The following RANBP2 variants were observed in gnomAD, a reference collection of about 807,000 sequenced individuals.
RANBP2 encodes the protein RAN binding protein 2.
In RANBP2, 57 loss-of-function variants were observed where a neutral mutation model predicts 303.6. The observed-to-expected ratio is 0.19, with a 90% confidence interval of 0.15 to 0.23. The LOEUF is 0.23. RANBP2 is among the 10% of genes least tolerant of loss of function. RANBP2 has a pLI of 1.00. For synonymous variants in RANBP2, 1,167 were observed against 1,301.5 expected, an observed-to-expected ratio of 0.90 and a Z score of 2.23; for missense variants, 3,138 against 3,780.8, an observed-to-expected ratio of 0.83 and a Z score of 4.46.
the RANBP2 span, among the ~76,000 whole-genome samples, chr2:109,452,642 A>G: frequency 2.6e-5 from 4 of 152,114 alleles, no homozygotes; most frequent in African/African-American, 7.2e-5. Context: ...GTGTGTGGAG[A>G]AGGAAGAAGC....
chr2:108,910,796 T>G, the RANBP2 span: 2 of 1,613,578 alleles, frequency 1.2e-6, no homozygotes, highest in Admixed American at 3.3e-5. Flanking sequence ...TTTCTTCTCC[T>G]CGTCCTTGCT....
the RANBP2 span, among the ~76,000 whole-genome samples, chr2:108,841,987 A>T: frequency 6.6e-6 from 1 of 151,992 alleles, no homozygotes; most frequent in Non-Finnish European, 1.5e-5. Context: ...CCCTCCAATG[A>T]TTAGAAGTCA....
chr2:109,156,704 A>G, the RANBP2 span, among the ~76,000 whole-genome samples: 1 of 152,072 alleles, frequency 6.6e-6, no homozygotes, highest in African/African-American at 2.4e-5. Context: ...CGGCCTCCCA[A>G]AGTGCTGGGA....
At chr2:109,089,585 G>C in the RANBP2 span, among the ~76,000 whole-genome samples, 1 of 152,076 alleles carries the variant, frequency 6.6e-6, no homozygotes, top group Admixed American at 6.6e-5. Context: ...CAGCCTGGGC[G>C]ACAGAGCAAG....
chr2:109,015,332 A>G, the RANBP2 span, among the ~76,000 whole-genome samples: 1 of 151,908 alleles, frequency 6.6e-6, no homozygotes, highest in African/African-American at 2.4e-5. Flanking sequence ...TCCTCAGCCC[A>G]CTCAATGTGA....
chr2:109,602,546 A>G, the RANBP2 span, among the ~76,000 whole-genome samples: 1 of 151,990 alleles, frequency 6.6e-6, no homozygotes. Context: ...GTGGTGGCGC[A>G]TGCCTATAAT....
chr2:109,334,931 A>G, the RANBP2 span, among the ~76,000 whole-genome samples: 1 of 152,174 alleles, frequency 6.6e-6, no homozygotes, highest in Admixed American at 6.5e-5. Context: ...CCTTCCTGGA[A>G]AGGTTCTGCT....
chr2:108,784,914 T>G lies in RANBP2; in HGVS notation c.*1013T>G, dbSNP rs1678504795. ...TCCAGAGCTCCTAGTTTCTCAAGTT[T>G]GATACACACCAAAAACGTATTTGGA... On this transcript the variant is annotated 3_prime_UTR_variant, in exon 29 of 29. Transcript: ENST00000283195. The G allele has an allele frequency of 6.6e-6, 1 of 152,292 alleles. No individual in the cohort carries two copies. Among genetic ancestry groups the G allele is most frequent in the Non-Finnish European group, 1.5e-5 (1 of 68,028 alleles). The allele number at this position is 152,292 out of a possible 1,614,324, so 9.4% of individuals were successfully genotyped here.
the RANBP2 span, among the ~76,000 whole-genome samples, chr2:109,118,863 A>G: frequency 6.6e-6 from 1 of 152,334 alleles, no homozygotes; most frequent in Admixed American, 6.5e-5. Flanking sequence ...ATAATAAACC[A>G]GACTGTCATT....
chr2:109,687,019 C>T, the RANBP2 span, among the ~76,000 whole-genome samples: 1 of 152,198 alleles, frequency 6.6e-6, no homozygotes, highest in Non-Finnish European at 1.5e-5. Flanking sequence ...CCTAAATATG[C>T]CTATGTAAAT....
the RANBP2 span, among the ~76,000 whole-genome samples, chr2:108,982,653 T>C: frequency 6.6e-6 from 1 of 152,176 alleles, no homozygotes; most frequent in Non-Finnish European, 1.5e-5. Flanking sequence ...TGTGGTCTGT[T>C]TGGATAATAA....
At chr2:109,348,362 G>C in the RANBP2 span, among the ~76,000 whole-genome samples, 1 of 152,212 alleles carries the variant, frequency 6.6e-6, no homozygotes, top group South Asian at 2.1e-4. Flanking sequence ...AGAGACCCTG[G>C]TCAGCTCACA....
In RANBP2 at chr2:108,763,234, T is replaced by C; in HGVS notation, c.2698-3T>C. On this transcript the variant is annotated splice_region_variant and splice_polypyrimidine_tract_variant and intron_variant, in intron 19 of 28. Coordinates refer to ENST00000283195, the MANE Select transcript of RANBP2 (RefSeq NM_006267.5). The stretch of plus-strand genomic sequence containing the variant: ...CAAAATGTTTTAACTTTCTGTCTTT[T>C]AGGGCCCAGTCTATGGCATGAATAG... 3 of 1,613,536 alleles carry C rather than the reference T, an allele frequency of 1.9e-6. No individual in the cohort carries two copies. Among genetic ancestry groups the C allele is most frequent in the Non-Finnish European group, 2.5e-6 (3 of 1,179,854 alleles).
At chr2:109,564,791 T>C in the RANBP2 span, among the ~76,000 whole-genome samples, 8 of 152,160 alleles carry the variant, frequency 5.3e-5, no homozygotes, top group Non-Finnish European at 8.8e-5. Flanking sequence ...CACCAGGAAA[T>C]ACCAAAAAAG....
At chr2:109,475,542 CAG>C in the RANBP2 span, among the ~76,000 whole-genome samples, 3 of 152,214 alleles carry the variant, frequency 2.0e-5, no homozygotes, top group African/African-American at 7.2e-5. Context: ...TGGGTGGGGA[CAG>C]GGACATATGC....
chr2:108,796,505 C>T, the RANBP2 span, among the ~76,000 whole-genome samples: 5 of 152,130 alleles, frequency 3.3e-5, no homozygotes, highest in Non-Finnish European at 7.3e-5. Flanking sequence ...AAGAAAACGG[C>T]GTATCGAAGA....
chr2:109,438,021 AGGCTTAAAG>A, the RANBP2 span, among the ~76,000 whole-genome samples: 3 of 152,226 alleles, frequency 2.0e-5, no homozygotes, highest in African/African-American at 7.2e-5. Flanking sequence ...TCTCAAAGTG[AGGCTTAAAG>A]GGCAAAAATA....
At chr2:109,018,823 A>G in the RANBP2 span, among the ~76,000 whole-genome samples, 4 of 152,240 alleles carry the variant, frequency 2.6e-5, no homozygotes, top group African/African-American at 4.8e-5. Context: ...CTTGTCCTAC[A>G]TGAATTACAC....
the RANBP2 span, chr2:109,449,288 C>T: frequency 6.7e-4 from 1,082 of 1,609,478 alleles, 1 homozygote; most frequent in Non-Finnish European, 8.5e-4. Flanking sequence ...CGGTGGTGTC[C>T]CCGCAGCACA....
Sources: gnomAD v4.1 joint callset for allele counts (sites outside exome capture counted in the v4.1 genomes callset) on GRCh38, gnomAD v4.1.1 for gene constraint, MANE v1.5 for transcripts, NCBI Gene and HGNC (gene_info 2026-07-23, HGNC 2026-07-21) for gene names.